MDC1: variants seen among roughly 807,000 people sequenced by gnomAD.
MDC1 encodes the protein mediator of DNA damage checkpoint protein 1.
MDC1 carries 81 observed loss-of-function variants against 142.5 expected under a neutral mutation model. That is an observed-to-expected ratio of 0.57 (90% confidence interval 0.47 to 0.68). MDC1 has a LOEUF of 0.68. MDC1 is among the 30% of genes least tolerant of loss of function. The pLI, the probability that MDC1 is intolerant of heterozygous loss-of-function variation, is 0.00. For missense variants in MDC1, 2,119 were observed against 2,547.9 expected (o/e 0.83, Z 3.62); for synonymous variants, 797 against 968.4 (o/e 0.82, Z 3.29).
At chr6:30,701,407 A>AG (rs1252151603) in intron 14 of MDC1, among the ~76,000 whole-genome samples, 23 of 146,436 alleles carry the variant, frequency 1.6e-4, no homozygotes, top group Non-Finnish European at 3.0e-4. Flanking sequence ...CAAAAAAAAA[A>AG]AATACTTTTG....
chr6:30,704,050 G>C lies in MDC1; in HGVS notation c.5133C>G (p.Ser1711=), dbSNP rs1364378220. The part of the protein sequence containing the change: ...QSPVTTDQPI[S]PEPITQPSCI... ...AACTGGGTTGAGTAATAGGCTCAGG[G>C]GAAATAGGCTGGTCTGTGGTGACAG... The change falls in exon 10 of 15, where the codon TCC becomes TCG. Residue 1711 remains serine (S), a synonymous_variant. Coordinates refer to ENST00000376406, the MANE Select transcript of MDC1 (RefSeq NM_014641.3). 2.5e-6 allele frequency: 4 copies of C among 1,614,068 alleles called. No individual in the cohort carries two copies. The highest frequency in any genetic ancestry group is 3.4e-6 in the Non-Finnish European group (4 of 1,180,044).
Position 30,708,161 on chromosome 6 carries a change from C to T in MDC1, c.2418G>A (p.Gly806=), listed in dbSNP as rs1238546462. 6.2e-7 allele frequency: 1 copy of T among 1,613,196 alleles called. No homozygotes were observed. The highest frequency in any genetic ancestry group is 8.5e-7 in the Non-Finnish European group (1 of 1,180,038). Residue 806 remains glycine (G), a synonymous_variant, in exon 8 of 15, where the codon GGG becomes GGA. Transcript: ENST00000376406. ...HTEPMGIQGR[G]RQTVDKVMGI... ...CCATGACTTTATCCACAGTCTGCCTCCCTCTGCCTTGAATCCCCATTGGCT... is the reference window on the plus strand; with the variant it reads ...CCATGACTTTATCCACAGTCTGCCTTCCTCTGCCTTGAATCCCCATTGGCT...
At position 30,704,124 on chromosome 6, in the gene MDC1, A is replaced by G. The variant is rs1193399754; in HGVS notation, c.5059T>C (p.Ser1687Pro). ...GGAACCGGCATAGCTCTTACTGTGGAAGACCTCAGTGTTTTGCTCTGACCA... is the reference window on the plus strand; with the variant it reads ...GGAACCGGCATAGCTCTTACTGTGGGAGACCTCAGTGTTTTGCTCTGACCA... ...QGGQSKTLRSSTVRAMPVPTT... is the reference protein window; with the variant it reads ...QGGQSKTLRSPTVRAMPVPTT... Residue 1687 changes from serine (S) to proline (P), a missense_variant, in exon 10 of 15, where the codon TCC (serine) becomes CCC (proline). Ser to Pro is a moderately conservative substitution (Grantham distance 74). Coordinates refer to ENST00000376406, the MANE Select transcript of MDC1 (RefSeq NM_014641.3). 1.2e-6 allele frequency: 2 copies of G among 1,613,882 alleles called. No individual in the cohort carries two copies. The highest frequency in any genetic ancestry group is 2.2e-5 in the South Asian group (2 of 91,060).
rs1041023826 is a variant in MDC1 at position 30,715,581 on chromosome 6, C to T, written c.-3-403G>A. 6.6e-6 allele frequency among the ~76,000 whole-genome samples: 1 copy of T among 152,188 alleles called. No homozygotes were observed. Among genetic ancestry groups the T allele is most frequent in the African/African-American group, 2.4e-5 (1 of 41,454 alleles). On this transcript the variant is annotated intron_variant, in intron 1 of 14. Transcript: ENST00000376406. This position sits in a 1 kb window ranked among gnomAD's most constrained non-coding sequence, Gnocchi z 4.1. The stretch of plus-strand genomic sequence containing the variant: ...CTCGAACTCTTGACCTTGGGTGATC[C>T]GCCCACCTTGGCCTCCCAAAGTGCT...
Position 30,703,364 on chromosome 6 carries a change from T to C in MDC1, c.5682+54A>G, listed in dbSNP as rs1773107343. The stretch of plus-strand genomic sequence containing the variant: ...ATCTCTACAATCCTCTAGGTCTCCT[T>C]GCATCCTCCCCTCATCTCTGTCTCC... On this transcript the variant is annotated intron_variant, in intron 11 of 14. Transcript: ENST00000376406. This position sits in a 1 kb window ranked among gnomAD's most constrained non-coding sequence, Gnocchi z 4.4. The C allele has an allele frequency of 8.1e-6, 13 of 1,612,978 alleles. No individual in the cohort carries two copies.
At position 30,707,549 on chromosome 6, in the gene MDC1, C is replaced by T; in HGVS notation, c.3013+17G>A. On this transcript the variant is annotated intron_variant, in intron 8 of 14. Transcript: ENST00000376406. The stretch of plus-strand genomic sequence containing the variant: ...AGGCCTGTGTATCACCTTGGGTTCC[C>T]CTCTGCCTTCACTTACCTTTCTGAT... 6.2e-7 allele frequency: 1 copy of T among 1,612,616 alleles called. No individual in the cohort carries two copies. Among genetic ancestry groups the T allele is most frequent in the African/African-American group, 1.3e-5 (1 of 75,046 alleles).
intron 7 of MDC1, among the ~76,000 whole-genome samples, chr6:30,708,575 C>T (rs1375273488): frequency 2.0e-5 from 3 of 152,066 alleles, no homozygotes; most frequent in Non-Finnish European, 2.9e-5. Flanking sequence ...TAGCCTTAGG[C>T]GGGCATGGTG....
At position 30,713,520 on chromosome 6, in the gene MDC1, G is replaced by C; in HGVS notation, c.587+128C>G. ...AGATGTGCTCCATAAAAATTCAGCT[G>C]AGTGAATGAATATGTATGGTTCCCC... On this transcript the variant is annotated intron_variant, in intron 4 of 14. Transcript: ENST00000376406. This position sits in a 1 kb window ranked among gnomAD's most constrained non-coding sequence, Gnocchi z 4.9. The C allele has an allele frequency of 4.8e-6, 6 of 1,244,532 alleles. No individual in the cohort carries two copies. The highest frequency in any genetic ancestry group is 6.6e-6 in the Non-Finnish European group (6 of 907,678). The allele number at this position is 1,244,532 out of a possible 1,614,324, so 77.1% of individuals were successfully genotyped here.
Position 30,715,628 on chromosome 6 carries a change from T to C in MDC1, c.-3-450A>G, listed in dbSNP as rs940072151. ...TGCTGGGATTACAGGCGTGAGCCAC[T>C]GCGCCCCGTTGTTTTTCTTTCTTTT... On this transcript the variant is annotated intron_variant, in intron 1 of 14. Transcript: ENST00000376406. This position sits in a 1 kb window ranked among gnomAD's most constrained non-coding sequence, Gnocchi z 4.1. Among the ~76,000 whole-genome samples the C allele has an allele frequency of 2.0e-5, 3 of 152,218 alleles. No individual in the cohort carries two copies. The highest frequency in any genetic ancestry group is 2.9e-5 in the Non-Finnish European group (2 of 68,046).
At position 30,713,096 on chromosome 6, in the gene MDC1, C is replaced by A; in HGVS notation, c.846G>T (p.Val282=). 1 of 1,613,128 alleles carries A rather than the reference C, an allele frequency of 6.2e-7. No individual in the cohort carries two copies. ...TCTCCAGAATCACCCCAGCTGGAAC[C>A]ACCCCATTCCCTGCACCCCTCTTGA... ...TKVKRGAGNG[V]VPAGVILERS... is the part of the protein sequence containing the mutation. The change falls in exon 5 of 15, where the codon GTG becomes GTT. Residue 282 remains valine (V), a synonymous_variant. Transcript: ENST00000376406. This position sits in a 1 kb window ranked among gnomAD's most constrained non-coding sequence, Gnocchi z 4.9.
Position 30,716,112 on chromosome 6 carries a change from G to A in MDC1, c.-3-934C>T, listed in dbSNP as rs1229523800. ...ATTTTCCCCAGTCTTCGAACACACT[G>A]TTCTTGTCTTCCCACATCTTCATGC... On this transcript the variant is annotated intron_variant, in intron 1 of 14. Coordinates refer to ENST00000376406, the MANE Select transcript of MDC1 (RefSeq NM_014641.3). This position sits in a 1 kb window ranked among gnomAD's most constrained non-coding sequence, Gnocchi z 4.4. Among the ~76,000 whole-genome samples the A allele has an allele frequency of 6.6e-6, 1 of 152,090 alleles. No homozygotes were observed. The highest frequency in any genetic ancestry group is 6.6e-5 in the Admixed American group (1 of 15,260).
chr6:30,712,181 T>TAGGGAGG lies in MDC1; in HGVS notation c.1754_1760dup (p.Thr588LeufsTer31). ...TTACATCTGCAACTACTGAGGCTGT[T>TAGGGAGG]AGGGAGGTGCCCTCCTCTGCATCTG... On this transcript the variant is annotated frameshift_variant, in exon 5 of 15. Coordinates refer to ENST00000376406, the MANE Select transcript of MDC1 (RefSeq NM_014641.3). LOFTEE classifies it high-confidence loss of function. The surrounding 1 kb of genome is among the most constrained non-coding windows in gnomAD (Gnocchi z 4.7). The TAGGGAGG allele has an allele frequency of 1.9e-6, 3 of 1,612,850 alleles. No homozygotes were observed. The highest frequency in any genetic ancestry group is 2.5e-6 in the Non-Finnish European group (3 of 1,179,998).
chr6:30,705,042 G>A lies in MDC1; in HGVS notation c.4141C>T (p.Gln1381Ter), dbSNP rs772572746. 6.2e-7 allele frequency: 1 copy of A among 1,612,280 alleles called. No homozygotes were observed. Among genetic ancestry groups the A allele is most frequent in the Admixed American group, 1.7e-5 (1 of 59,638 alleles). Reference protein sequence around the residue: ...PELPPSTSTEQPVTPEPTSRA... With the variant: ...PELPPSTSTE Reference sequence around the variant, plus strand: ...GATGTGGGCTCAGGGGTGACAGGCTGCTCTGTGGAGGTGGAAGGTGGGAGC... The same window carrying A: ...GATGTGGGCTCAGGGGTGACAGGCTACTCTGTGGAGGTGGAAGGTGGGAGC... Residue 1381 changes from glutamine to a stop codon, truncating the protein, a stop_gained, in exon 10 of 15, where the codon CAG (glutamine) becomes TAG (stop). Transcript: ENST00000376406. LOFTEE classifies it high-confidence loss of function.
rs1168411055 is a variant in MDC1, at chr6:30,712,866, C to A, written c.1076G>T (p.Arg359Met). The change falls in exon 5 of 15, where the codon AGG (arginine) becomes ATG (methionine). Residue 359 changes from arginine (R) to methionine (M), a missense_variant. Coordinates refer to ENST00000376406, the MANE Select transcript of MDC1 (RefSeq NM_014641.3). The surrounding 1 kb of genome is among the most constrained non-coding windows in gnomAD (Gnocchi z 4.7). ...KRKIFHGVGT[R>M]GPGAPGLAHL... ...GGCCAGGCCTGGTGCTCCAGGACCC[C>A]TTGTACCTACTCCATGGAAGATCTT... 1 of 1,612,922 alleles carries A rather than the reference C, an allele frequency of 6.2e-7. No individual in the cohort carries two copies. The highest frequency in any genetic ancestry group is 8.5e-7 in the Non-Finnish European group (1 of 1,180,034).
At position 30,704,564 on chromosome 6, in the gene MDC1, G is replaced by A. The variant is rs1461202402; in HGVS notation, c.4619C>T (p.Ser1540Phe). 1 of 1,608,336 alleles carries A rather than the reference G, an allele frequency of 6.2e-7. No homozygotes were observed. The highest frequency in any genetic ancestry group is 2.2e-5 in the East Asian group (1 of 44,508). Residue 1540 changes from serine (S) to phenylalanine (F), a missense_variant, in exon 10 of 15, where the codon TCC becomes TTC. Ser to Phe is a radical substitution (Grantham distance 155). Transcript: ENST00000376406. Reference sequence around the variant, plus strand: ...GGTGACAGGTTGGTCTGTGGAGGTGGAAGGCTGGAGCTCAGGGGCTGCGGG... The same window carrying A: ...GGTGACAGGTTGGTCTGTGGAGGTGAAAGGCTGGAGCTCAGGGGCTGCGGG... The part of the protein sequence containing the change: ...VVPAAPELQP[S>F]TSTDQPVTPE...
intron 14 of MDC1, among the ~76,000 whole-genome samples, chr6:30,702,211 C>A (rs867791352): frequency 1.6e-5 from 2 of 127,470 alleles, no homozygotes; most frequent in East Asian, 4.7e-4. Flanking sequence ...TGTAGTGAGC[C>A]GAGATTGTGC....
chr6:30,705,519 C>G lies in MDC1; in HGVS notation c.3664G>C (p.Glu1222Gln), dbSNP rs1409625141. The G allele has an allele frequency of 6.3e-7, 1 of 1,591,028 alleles. No homozygotes were observed. Among genetic ancestry groups the G allele is most frequent in the Admixed American group, 1.7e-5 (1 of 57,510 alleles). ...CCCCTAGTAGCCTGAGAGGTGGGTT[C>G]AGAGGTGACAGGTCGGTCGGTGGAG... ...STSTDRPVTS[E>Q]PTSQATRGRK... The change falls in exon 10 of 15, where the codon GAA becomes CAA. Residue 1222 changes from glutamate (E) to glutamine (Q), a missense_variant. By Grantham distance (29) the Glu-to-Gln change is conservative (BLOSUM62 2). Coordinates refer to ENST00000376406, the MANE Select transcript of MDC1 (RefSeq NM_014641.3).
In MDC1 at chr6:30,702,734, T is replaced by A. The variant is rs757808811; in HGVS notation, c.5991+18A>T. 145 of 1,613,070 alleles carry A rather than the reference T, an allele frequency of 9.0e-5. 1 individual carries two copies. The South Asian group carries it at 1.5e-3, about 17-fold the overall frequency. On this transcript the variant is annotated intron_variant, in intron 13 of 14. Coordinates refer to ENST00000376406, the MANE Select transcript of MDC1 (RefSeq NM_014641.3). ...CTGGAGGGAGGGCTGAAGCACAGGTTAAAAGATAGCCTCTCACCTCTAGCA... is the reference window on the plus strand; with the variant it reads ...CTGGAGGGAGGGCTGAAGCACAGGTAAAAAGATAGCCTCTCACCTCTAGCA...
At position 30,707,418 on chromosome 6, in the gene MDC1, G is replaced by C; in HGVS notation, c.3050C>G (p.Ala1017Gly). The C allele has an allele frequency of 6.2e-7, 1 of 1,613,112 alleles. No homozygotes were observed. Among genetic ancestry groups the C allele is most frequent in the Non-Finnish European group, 8.5e-7 (1 of 1,180,042 alleles). The change falls in exon 9 of 15, where the codon GCT becomes GGT. Residue 1017 changes from alanine (A) to glycine (G), a missense_variant. Coordinates refer to ENST00000376406, the MANE Select transcript of MDC1 (RefSeq NM_014641.3). The part of the protein sequence containing the change: ...LNCKMPPAEK[A>G]SRIRAAEKVS... Reference sequence around the variant, plus strand: ...CTTCTCAGCAGCTCTGATCCTGGAAGCCTTCTCAGCAGGTGGCATCTTGCA... The same window carrying C: ...CTTCTCAGCAGCTCTGATCCTGGAACCCTTCTCAGCAGGTGGCATCTTGCA...
Sources: gnomAD v4.1 joint callset for allele counts (sites outside exome capture counted in the v4.1 genomes callset) on GRCh38, gnomAD v4.1.1 for gene constraint, Gnocchi (gnomAD v3.1) non-coding constraint, MANE v1.5 for transcripts, NCBI Gene and HGNC (gene_info 2026-07-23, HGNC 2026-07-21) for gene names.